CNTN5: variants seen among roughly 807,000 people sequenced by gnomAD.
CNTN5 encodes the protein contactin-5.
CNTN5 carries 77 observed loss-of-function variants against 129.1 expected under a neutral mutation model. That is an observed-to-expected ratio of 0.60 (90% CI 0.50 to 0.72). The LOEUF is 0.72. Among genes scored for constraint, CNTN5 ranks in the 30% least tolerant of loss-of-function variants. The pLI is 0.00. For synonymous variants in CNTN5, 509 were observed against 465.6 expected (o/e 1.09, Z -1.20); for missense variants, 1,478 against 1,328.8 (o/e 1.11, Z -1.75).
chr11:99,462,076 C>T (rs1268235915), intron 2 of CNTN5, among the ~76,000 whole-genome samples: 1 of 152,078 alleles, frequency 6.6e-6, no homozygotes, highest in East Asian at 1.9e-4. Flanking sequence ...ATTTAAATAA[C>T]TCAGTGTGGT....
intron 2 of CNTN5, among the ~76,000 whole-genome samples, chr11:99,496,596 A>C (rs995010333): frequency 2.6e-5 from 4 of 152,240 alleles, no homozygotes; most frequent in Non-Finnish European, 5.9e-5. Context: ...ATTCCCAGAT[A>C]GATAGATCAG....
At chr11:100,342,920 T>G (rs759125461) in intron 23 of CNTN5, among the ~76,000 whole-genome samples, 3 of 152,152 alleles carry the variant, frequency 2.0e-5, no homozygotes, top group Non-Finnish European at 4.4e-5. Context: ...TGTTTAAACT[T>G]TATCAGTTTT....
intron 3 of CNTN5, among the ~76,000 whole-genome samples, chr11:99,586,101 G>A (rs1949784072): frequency 6.6e-6 from 1 of 151,924 alleles, no homozygotes; most frequent in African/African-American, 2.4e-5. Flanking sequence ...CGTTCCAAAT[G>A]GCCTCATGTC....
At position 99,764,057 on chromosome 11, in the gene CNTN5, C is replaced by A. The variant is rs551871121; in HGVS notation, c.56-55487C>A. ...AGTATACTGGAAATGATATCATTAG[C>A]AATTATTTACATTTCTGTTGTAAAA... On this transcript the variant is annotated intron_variant, in intron 3 of 24. Transcript: ENST00000524871. Among the ~76,000 whole-genome samples, 31 of 151,958 alleles carry A rather than the reference C, an allele frequency of 2.0e-4. 1 individual carries two copies. In the South Asian group the frequency reaches 4.6e-3, roughly 22 times the overall value.
intron 1 of CNTN5, among the ~76,000 whole-genome samples, chr11:99,067,214 A>G (rs1366380997): frequency 6.6e-6 from 1 of 152,140 alleles, no homozygotes; most frequent in Non-Finnish European, 1.5e-5. Flanking sequence ...TATAGCACCA[A>G]AAAGCATTCT....
At chr11:99,439,722 A>AG (rs1565583478) in intron 2 of CNTN5, among the ~76,000 whole-genome samples, 1 of 101,532 alleles carries the variant, frequency 9.8e-6, no homozygotes, top group Non-Finnish European at 2.3e-5. Context: ...AAAAAAAAAA[A>AG]AAAGAAAAAG....
chr11:99,473,943 T>G (rs1287116960), intron 2 of CNTN5, among the ~76,000 whole-genome samples: 1 of 152,034 alleles, frequency 6.6e-6, no homozygotes, highest in Non-Finnish European at 1.5e-5. Flanking sequence ...GTGCTACTGG[T>G]TTTTAAGTCC....
At chr11:99,922,235 T>G (rs1484497453) in intron 7 of CNTN5, among the ~76,000 whole-genome samples, 1 of 152,148 alleles carries the variant, frequency 6.6e-6, no homozygotes, top group Non-Finnish European at 1.5e-5. Flanking sequence ...CCAGATCTTG[T>G]GAGACTTATT....
chr11:99,785,559 C>T (rs113587387), intron 3 of CNTN5, among the ~76,000 whole-genome samples: 11,382 of 152,024 alleles, frequency 0.075, 746 homozygotes, highest in African/African-American at 0.17. Context: ...AATTTCAGGC[C>T]GATATTCCTG....
At chr11:100,033,174 C>A (rs903010661) in intron 9 of CNTN5, among the ~76,000 whole-genome samples, 2 of 152,106 alleles carry the variant, frequency 1.3e-5, no homozygotes, top group Admixed American at 1.3e-4. Flanking sequence ...TGAGCCCAGA[C>A]GTGCAGACTA....
rs145323277 is a variant in CNTN5, at chr11:99,675,257, G to A, written c.55+118988G>A. Among the ~76,000 whole-genome samples the A allele has an allele frequency of 1.8e-3, 277 of 152,060 alleles. 2 individuals are homozygous for A. The highest frequency in any genetic ancestry group is 5.9e-3 in the African/African-American group (244 of 41,468). ...ACCCATAACTCCAAGTTGAAATCTCGCCCATCAGTACTGGGTGAGGGAATG... is the reference window on the plus strand; with the variant it reads ...ACCCATAACTCCAAGTTGAAATCTCACCCATCAGTACTGGGTGAGGGAATG... On this transcript the variant is annotated intron_variant, in intron 3 of 24. Transcript: ENST00000524871.
At chr11:99,841,890 A>G (rs1591293522) in intron 4 of CNTN5, among the ~76,000 whole-genome samples, 2 of 91,116 alleles carry the variant, frequency 2.2e-5, no homozygotes, top group Non-Finnish European at 4.4e-5. Flanking sequence ...ATATACATAT[A>G]TATATATTTT....
At chr11:99,139,088 C>G (rs1859381582) in intron 1 of CNTN5, among the ~76,000 whole-genome samples, 1 of 62,530 alleles carries the variant, frequency 1.6e-5, no homozygotes, top group Non-Finnish European at 2.8e-5. Context: ...AACTCCATCT[C>G]TACCCCCTCC....
chr11:99,422,083 G>A (rs900315216), intron 2 of CNTN5, among the ~76,000 whole-genome samples: 1 of 152,114 alleles, frequency 6.6e-6, no homozygotes, highest in Non-Finnish European at 1.5e-5. Context: ...TCAAGTCAGT[G>A]AGAGGCGGAA....
At chr11:99,887,550 A>C (rs549015823) in intron 6 of CNTN5, among the ~76,000 whole-genome samples, 1 of 152,352 alleles carries the variant, frequency 6.6e-6, no homozygotes, top group Non-Finnish European at 1.5e-5. Flanking sequence ...TCACACAATC[A>C]CAAGGTGAAG....
intron 16 of CNTN5, among the ~76,000 whole-genome samples, chr11:100,242,586 T>G (rs2138685617): frequency 6.6e-6 from 1 of 151,784 alleles, no homozygotes; most frequent in Admixed American, 6.6e-5. Context: ...AGTAAGAGAG[T>G]GATGGCGGTG....
At chr11:99,140,115 C>T (rs984550965) in intron 1 of CNTN5, among the ~76,000 whole-genome samples, 4 of 152,006 alleles carry the variant, frequency 2.6e-5, no homozygotes, top group African/African-American at 4.8e-5. Flanking sequence ...TAGTGATTTG[C>T]ACAAAATTAG....
At chr11:99,383,250 T>C (rs1352579388) in intron 2 of CNTN5, among the ~76,000 whole-genome samples, 1 of 152,136 alleles carries the variant, frequency 6.6e-6, no homozygotes, top group African/African-American at 2.4e-5. Context: ...TATTTAAAGC[T>C]CTCAAAGAAA....
intron 1 of CNTN5, among the ~76,000 whole-genome samples, chr11:99,210,922 C>G (rs1326961707): frequency 3.9e-5 from 6 of 152,026 alleles, no homozygotes; most frequent in African/African-American, 1.2e-4. Flanking sequence ...CTAGTAGACA[C>G]ATATTAAAAA....
Sources: allele counts gnomAD v4.1 joint callset (sites outside exome capture counted in the v4.1 genomes callset), GRCh38; gene constraint gnomAD v4.1.1; transcripts MANE v1.5; gene names NCBI Gene and HGNC (gene_info 2026-07-23, HGNC 2026-07-21).